MYO16: variants seen among roughly 807,000 people sequenced by gnomAD.
MYO16 encodes myosin XVI.
Under a neutral mutation model 205.3 loss-of-function variants are expected in MYO16, and 94 were observed. The observed-to-expected ratio is 0.46, with a 90% CI of 0.39 to 0.54. MYO16 has a LOEUF of 0.54. Ranked by LOEUF, MYO16 falls within the 20% of genes least tolerant of loss-of-function variation. The probability of loss-of-function intolerance (pLI) is 0.00; values close to 1 mark genes in which losing one functional copy is unlikely to be tolerated. For synonymous variants in MYO16, 988 were observed against 954.0 expected, an observed-to-expected ratio of 1.04 and a Z score of -0.66; for missense variants, 2,315 against 2,387.5, an observed-to-expected ratio of 0.97 and a Z score of 0.63.
intron 9 of MYO16, among the ~76,000 whole-genome samples, chr13:108,833,338 A>G (rs1460180922): frequency 6.6e-6 from 1 of 151,970 alleles, no homozygotes; most frequent in African/African-American, 2.4e-5. Context: ...GAGCTCTTTC[A>G]TTTAATATTA....
intron 28 of MYO16, among the ~76,000 whole-genome samples, chr13:109,109,061 C>T (rs1408796760): frequency 1.3e-5 from 2 of 152,130 alleles, no homozygotes; most frequent in Non-Finnish European, 2.9e-5. Flanking sequence ...TTTGCTATTA[C>T]AACAGTTTCT....
At chr13:109,086,199 G>A (rs868682920) in intron 27 of MYO16, among the ~76,000 whole-genome samples, 3 of 152,118 alleles carry the variant, frequency 2.0e-5, no homozygotes, top group South Asian at 2.1e-4. Context: ...ACAAGCAATC[G>A]AAGGTCACAC....
intron 6 of MYO16, among the ~76,000 whole-genome samples, chr13:108,795,904 A>G (rs943496004): frequency 6.6e-6 from 1 of 152,198 alleles, no homozygotes; most frequent in African/African-American, 2.4e-5. Context: ...GATCTAACCA[A>G]CAAGGGTGTT....
At chr13:108,631,413 T>C (rs1005766689) in intron 1 of MYO16, among the ~76,000 whole-genome samples, 2 of 152,190 alleles carry the variant, frequency 1.3e-5, no homozygotes, top group Non-Finnish European at 2.9e-5. Flanking sequence ...AGTTGAATTA[T>C]TTGATTGTAG....
intron 20 of MYO16, among the ~76,000 whole-genome samples, chr13:108,974,596 T>C (rs1884184324): frequency 1.3e-5 from 2 of 152,208 alleles, no homozygotes; most frequent in African/African-American, 2.4e-5. Context: ...GCTAAGTCTT[T>C]TGTATAATGA....
chr13:109,023,497 A>T (rs183359309), intron 23 of MYO16, among the ~76,000 whole-genome samples: 1 of 107,522 alleles, frequency 9.3e-6, no homozygotes, highest in Non-Finnish European at 1.8e-5. Context: ...TTTATATATT[A>T]TACAGATATA....
At chr13:108,711,228 G>A (rs1883709259) in intron 2 of MYO16, among the ~76,000 whole-genome samples, 1 of 152,210 alleles carries the variant, frequency 6.6e-6, no homozygotes, top group Non-Finnish European at 1.5e-5. Context: ...AACCCAGTTG[G>A]CAAATGAATA....
At chr13:108,946,784 C>T (rs748530343) in intron 16 of MYO16, among the ~76,000 whole-genome samples, 8 of 151,964 alleles carry the variant, frequency 5.3e-5, no homozygotes, top group Non-Finnish European at 1.2e-4. Context: ...CTCTGTCACC[C>T]AGGCTTGAGT....
At chr13:108,903,754 A>C (rs80078049) in intron 15 of MYO16, among the ~76,000 whole-genome samples, 10,695 of 152,244 alleles carry the variant, frequency 0.07, 544 homozygotes, top group Middle Eastern at 0.22. Context: ...GAAAAAACAC[A>C]TTAACTTTAA....
At chr13:108,695,857 A>G (rs1883072315) in intron 2 of MYO16, among the ~76,000 whole-genome samples, 8 of 152,200 alleles carry the variant, frequency 5.3e-5, no homozygotes, top group Admixed American at 4.6e-4. Context: ...GATCCTTGGA[A>G]TGAAAGGTTG....
At chr13:109,119,812 T>TTTAG (rs1566515860) in intron 28 of MYO16, among the ~76,000 whole-genome samples, 4 of 152,248 alleles carry the variant, frequency 2.6e-5, no homozygotes, top group Non-Finnish European at 5.9e-5. Flanking sequence ...CAAAGATGAC[T>TTTAG]TTCTCATCTT....
the MYO16 span, among the ~76,000 whole-genome samples, chr13:108,532,738 C>A: frequency 6.6e-6 from 1 of 151,992 alleles, no homozygotes; most frequent in Admixed American, 6.6e-5. Context: ...CTGCAGTGAA[C>A]TATGATTGCA....
intron 1 of MYO16, among the ~76,000 whole-genome samples, chr13:108,615,842 C>G (rs545344974): frequency 1.4e-4 from 21 of 152,226 alleles, no homozygotes; most frequent in South Asian, 6.2e-4. Context: ...AACTGTCTAC[C>G]TCCATACTAA....
intron 34 of MYO16, among the ~76,000 whole-genome samples, chr13:109,196,379 T>C (rs960902168): frequency 2.6e-5 from 4 of 152,188 alleles, no homozygotes; most frequent in Admixed American, 2.6e-4. Flanking sequence ...AATCTTCTTG[T>C]TGAAAACCTA....
intron 12 of MYO16, among the ~76,000 whole-genome samples, chr13:108,867,880 T>A (rs1878799528): frequency 1.3e-5 from 2 of 152,198 alleles, no homozygotes; most frequent in Non-Finnish European, 2.9e-5. Context: ...CCGCTTTGCA[T>A]GGTTGAACTT....
At chr13:108,848,579 T>C (rs78017577) in intron 10 of MYO16, among the ~76,000 whole-genome samples, 7,277 of 152,244 alleles carry the variant, frequency 0.048, 221 homozygotes, top group Non-Finnish European at 0.07. Flanking sequence ...GGTGGGAGGA[T>C]TGCTTGAGGC....
chr13:108,744,919 A>G (rs1489917236), intron 4 of MYO16, among the ~76,000 whole-genome samples: 1 of 152,226 alleles, frequency 6.6e-6, no homozygotes, highest in African/African-American at 2.4e-5. Context: ...TCTATAGTGG[A>G]AAATTATTCT....
intron 12 of MYO16, among the ~76,000 whole-genome samples, chr13:108,873,124 T>C (rs1436863443): frequency 6.6e-6 from 1 of 152,212 alleles, no homozygotes; most frequent in Non-Finnish European, 1.5e-5. Flanking sequence ...AATTTATTTC[T>C]TTTTGTTTCT....
At chr13:109,188,537 C>T (rs976563471) in intron 34 of MYO16, among the ~76,000 whole-genome samples, 7 of 152,032 alleles carry the variant, frequency 4.6e-5, no homozygotes, top group South Asian at 2.1e-4. Context: ...TTCTCTAGAG[C>T]GACAGAACTA....
Sources: allele counts gnomAD v4.1 joint callset (sites outside exome capture counted in the v4.1 genomes callset), GRCh38; gene constraint gnomAD v4.1.1; transcripts MANE v1.5; gene names NCBI Gene and HGNC (gene_info 2026-07-23, HGNC 2026-07-21).